The following DLD variants were observed in gnomAD, a reference collection of about 807,000 sequenced individuals.
The protein encoded by DLD is dihydrolipoyl dehydrogenase, mitochondrial.
A neutral mutation model predicts 62.2 loss-of-function variants in DLD; 36 were observed. The ratio of observed to expected loss-of-function variants is 0.58; its 90% CI spans 0.44 to 0.76. The LOEUF (loss-of-function observed/expected upper bound fraction) is 0.76. DLD is among the 30% of genes least tolerant of loss of function. The probability of loss-of-function intolerance (pLI) is 0.00; values close to 1 mark genes in which losing one functional copy is unlikely to be tolerated. For synonymous variants in DLD, 204 were observed against 199.6 expected (o/e 1.02, Z -0.19); for missense variants, 541 against 608.6 (o/e 0.89, Z 1.17).
At chr7:107,913,438 A>G (rs144706784) in intron 8 of DLD, among the ~76,000 whole-genome samples, 57 of 150,062 alleles carry the variant, frequency 3.8e-4, no homozygotes, top group South Asian at 1.3e-3. Flanking sequence ...TATTGTATAG[A>G]TCTTTCACAT....
intron 9 of DLD, among the ~76,000 whole-genome samples, chr7:107,916,342 C>G (rs960831912): frequency 2.6e-5 from 4 of 152,110 alleles, no homozygotes; most frequent in African/African-American, 4.8e-5. Flanking sequence ...TTGTCTGACT[C>G]TTATGTTTAT....
chr7:107,916,897 C>T lies in DLD; in HGVS notation c.979C>T (p.Leu327=). 1 of 1,613,566 alleles carries T rather than the reference C, an allele frequency of 6.2e-7. No individual in the cohort carries two copies. The highest frequency in any genetic ancestry group is 1.3e-5 in the African/African-American group (1 of 74,786). The change falls in exon 10 of 14, where the codon CTG becomes TTG. Residue 327 remains leucine, a synonymous_variant. Transcript: ENST00000205402. ...PFTKNLGLEE[L]GIELDPRGRI... The stretch of plus-strand genomic sequence containing the variant: ...TACTAAGAATTTGGGACTAGAAGAG[C>T]TGGGAATTGAACTAGATCCCAGAGG...
chr7:107,908,574 G>A (rs2032065080), intron 8 of DLD, among the ~76,000 whole-genome samples: 1 of 151,596 alleles, frequency 6.6e-6, no homozygotes, highest in African/African-American at 2.4e-5. Context: ...AGGTTGAGAT[G>A]GGAGAATCAC....
intron 8 of DLD, among the ~76,000 whole-genome samples, chr7:107,908,666 CAAA>C (rs34468175): frequency 3.6e-5 from 4 of 111,362 alleles, no homozygotes; most frequent in East Asian, 2.2e-4. Flanking sequence ...GACCCTGTCT[CAAA>C]AAAAAAAAAA....
intron 8 of DLD, 32 bp from the exon 9 acceptor site, chr7:107,915,474 A>G: frequency 1.2e-6 from 2 of 1,608,294 alleles, no homozygotes; most frequent in Non-Finnish European, 8.5e-7. Context: ...AGAAACTTTT[A>G]TGATTATTGG....
At chr7:107,894,334 A>C (rs565672809) in intron 2 of DLD, among the ~76,000 whole-genome samples, 2 of 152,366 alleles carry the variant, frequency 1.3e-5, no homozygotes, top group South Asian at 4.1e-4. Context: ...GTCTCCCTGC[A>C]TTCTGTGAAG....
In DLD at chr7:107,916,904, T is replaced by C; in HGVS notation, c.986T>C (p.Ile329Thr). ...AATTTGGGACTAGAAGAGCTGGGAA[T>C]TGAACTAGATCCCAGAGGTAGAATT... ...TKNLGLEELG[I>T]ELDPRGRIPV... The change falls in exon 10 of 14, where the codon ATT becomes ACT. Residue 329 changes from isoleucine (I) to threonine (T), a missense_variant. Physicochemically the swap from Ile to Thr is moderately conservative, Grantham distance 89 (BLOSUM62 -1). Transcript: ENST00000205402. The C allele has an allele frequency of 6.2e-7, 1 of 1,613,778 alleles. No homozygotes were observed. The highest frequency in any genetic ancestry group is 8.5e-7 in the Non-Finnish European group (1 of 1,179,970).
chr7:107,905,149 G>A, intron 6 of DLD, 91 bp downstream of exon 6: 1 of 1,056,564 alleles, frequency 9.5e-7, no homozygotes, highest in Middle Eastern at 2.8e-4. Flanking sequence ...TGGTTACAGG[G>A]GAATATTTAT....
chr7:107,909,003 T>C (rs926859433), intron 8 of DLD, among the ~76,000 whole-genome samples: 6 of 152,256 alleles, frequency 3.9e-5, no homozygotes, highest in African/African-American at 1.4e-4. Flanking sequence ...TAAGAAAACT[T>C]GTAATCTAAA....
At chr7:107,895,168 A>G (rs535890408) in intron 2 of DLD, among the ~76,000 whole-genome samples, 2 of 152,254 alleles carry the variant, frequency 1.3e-5, no homozygotes, top group African/African-American at 2.4e-5. Context: ...CCTTTCTACT[A>G]CCTGTGTGCT....
rs369442554 is a variant in DLD, at chr7:107,893,230, C to T, written c.70C>T (p.Leu24=). ...CCATTTCAATCGAATATCTCATGGCCTACAGGGACTTTCTGCAGTGCCTCT... is the reference window on the plus strand; with the variant it reads ...CCATTTCAATCGAATATCTCATGGCTTACAGGGACTTTCTGCAGTGCCTCT... ...RGHFNRISHG[L]QGLSAVPLRT... is the part of the protein sequence containing the mutation. The change falls in exon 2 of 14, where the codon CTA becomes TTA. Residue 24 remains leucine (L), a synonymous_variant. Coordinates refer to ENST00000205402, the MANE Select transcript of DLD (RefSeq NM_000108.5). 1.2e-6 allele frequency: 2 copies of T among 1,613,496 alleles called. No homozygotes were observed. Among genetic ancestry groups the T allele is most frequent in the Non-Finnish European group, 1.7e-6 (2 of 1,179,716 alleles).
intron 1 of DLD, 114 bp downstream of exon 1, chr7:107,891,403 C>A: frequency 8.3e-7 from 1 of 1,199,724 alleles, no homozygotes; most frequent in Non-Finnish European, 1.2e-6. Flanking sequence ...GCCTGGGCCG[C>A]ACCACCCCTG....
intron 8 of DLD, among the ~76,000 whole-genome samples, chr7:107,913,227 A>T (rs972748045): frequency 6.6e-6 from 1 of 152,076 alleles, no homozygotes; most frequent in Admixed American, 6.5e-5. Context: ...GCCGGTTAAT[A>T]TGATGTTTCC....
upstream of DLD, chr7:107,891,159 T>C: frequency 8.6e-6 from 13 of 1,510,062 alleles, no homozygotes; most frequent in Non-Finnish European, 1.2e-5. Flanking sequence ...AGGCTGCGCC[T>C]GTGCATGCGC....
At chr7:107,897,582 T>TC (rs1387565197) in intron 2 of DLD, among the ~76,000 whole-genome samples, 3 of 149,076 alleles carry the variant, frequency 2.0e-5, no homozygotes, top group Non-Finnish European at 4.5e-5. Flanking sequence ...GACTTTTTTT[T>TC]TTTTTTTTTT....
intron 9 of DLD, 53 bp downstream of exon 9, chr7:107,915,749 ACACT>A (rs2032254233): frequency 6.6e-7 from 1 of 1,522,262 alleles, no homozygotes; most frequent in African/African-American, 1.4e-5. Flanking sequence ...TTTAAGCAAA[ACACT>A]CAAGTTTCAA....
At chr7:107,907,591 C>T (rs1005760549) in intron 8 of DLD, among the ~76,000 whole-genome samples, 1 of 152,204 alleles carries the variant, frequency 6.6e-6, no homozygotes, top group Non-Finnish European at 1.5e-5. Flanking sequence ...ATGCCATTTT[C>T]CCTAAGACTA....
intron 8 of DLD, among the ~76,000 whole-genome samples, chr7:107,912,820 G>GT (rs2032176263): frequency 6.6e-6 from 1 of 151,966 alleles, no homozygotes; most frequent in Non-Finnish European, 1.5e-5. Flanking sequence ...CCATTTGTCT[G>GT]TTTTTGCTTT....
At chr7:107,897,172 T>C (rs1191916630) in intron 2 of DLD, among the ~76,000 whole-genome samples, 1 of 152,190 alleles carries the variant, frequency 6.6e-6, no homozygotes, top group African/African-American at 2.4e-5. Flanking sequence ...CATGTGCCTC[T>C]TTTTTCTCAC....
Sources: allele counts gnomAD v4.1 joint callset (sites outside exome capture counted in the v4.1 genomes callset), GRCh38; gene constraint gnomAD v4.1.1; transcripts MANE v1.5; gene names NCBI Gene and HGNC (gene_info 2026-07-23, HGNC 2026-07-21).